The following CDH10 variants were observed in gnomAD, a reference collection of about 807,000 sequenced individuals.
CDH10 encodes the protein cadherin-10.
A neutral mutation model predicts 73.1 loss-of-function variants in CDH10; 30 were observed. The ratio of observed to expected loss-of-function variants is 0.41; its 90% confidence interval spans 0.31 to 0.56. The LOEUF is 0.56. CDH10 is among the 20% of genes least tolerant of loss of function. The probability of loss-of-function intolerance (pLI) is 0.27; values close to 1 mark genes in which losing one functional copy is unlikely to be tolerated. For missense variants in CDH10, 815 were observed against 973.7 expected, an observed-to-expected ratio of 0.84 and a Z score of 2.17; for synonymous variants, 345 against 348.2, an observed-to-expected ratio of 0.99 and a Z score of 0.10.
intron 8 of CDH10, among the ~76,000 whole-genome samples, chr5:24,504,103 T>C (rs906866136): frequency 6.6e-6 from 1 of 152,112 alleles, no homozygotes; most frequent in Non-Finnish European, 1.5e-5. Flanking sequence ...TGGCAAAATA[T>C]GCCATTTTGG....
intron 2 of CDH10, among the ~76,000 whole-genome samples, chr5:24,589,730 G>T (rs1746137927): frequency 6.6e-6 from 1 of 151,984 alleles, no homozygotes; most frequent in Non-Finnish European, 1.5e-5. Context: ...GGAAGCTGAA[G>T]AATTTGAAAT....
At chr5:24,639,599 A>G (rs187085320) in intron 1 of CDH10, among the ~76,000 whole-genome samples, 1 of 151,810 alleles carries the variant, frequency 6.6e-6, no homozygotes. Flanking sequence ...CTGTTTCCCA[A>G]ATTTCCAACT....
chr5:24,598,713 T>C (rs1164102655), intron 1 of CDH10, among the ~76,000 whole-genome samples: 2 of 152,094 alleles, frequency 1.3e-5, no homozygotes, highest in Non-Finnish European at 2.9e-5. Flanking sequence ...AGGATTGTTA[T>C]CAATGCAGAA....
chr5:24,563,387 C>G (rs147157913), intron 2 of CDH10, among the ~76,000 whole-genome samples: 130 of 150,900 alleles, frequency 8.6e-4, no homozygotes, highest in African/African-American at 3.1e-3. Context: ...ATTTGGTTGA[C>G]TAAGTCCTCC....
intron 2 of CDH10, among the ~76,000 whole-genome samples, chr5:24,546,368 C>T (rs1744338941): frequency 6.6e-6 from 1 of 152,068 alleles, no homozygotes; most frequent in African/African-American, 2.4e-5. Flanking sequence ...AACGCTCTCA[C>T]AAGGAAAAGG....
At chr5:24,496,285 GTATTTTATTTACTTAAAATA>G (rs1742286044) in intron 9 of CDH10, among the ~76,000 whole-genome samples, 1 of 152,088 alleles carries the variant, frequency 6.6e-6, no homozygotes, top group African/African-American at 2.4e-5. Context: ...TCATTAAAAT[GTATTTTATTTACTTAAAATA>G]TATTTTATTG....
chr5:24,597,540 C>G (rs1303045935), intron 1 of CDH10, among the ~76,000 whole-genome samples: 1 of 151,872 alleles, frequency 6.6e-6, no homozygotes. Flanking sequence ...TTTTTTTAAC[C>G]AGAGGAGTTT....
chr5:24,499,676 G>A (rs1021759402), intron 8 of CDH10, among the ~76,000 whole-genome samples: 1 of 109,836 alleles, frequency 9.1e-6, no homozygotes, highest in Non-Finnish European at 1.9e-5. Context: ...GACAGAATGA[G>A]ATTCCATCTC....
At chr5:24,514,894 T>A (rs888715011) in intron 5 of CDH10, among the ~76,000 whole-genome samples, 1 of 152,010 alleles carries the variant, frequency 6.6e-6, no homozygotes, top group Non-Finnish European at 1.5e-5. Context: ...TATATACAAC[T>A]TGAATAAATC....
chr5:24,579,942 C>T (rs1047468133), intron 2 of CDH10, among the ~76,000 whole-genome samples: 4 of 152,084 alleles, frequency 2.6e-5, no homozygotes, highest in Non-Finnish European at 5.9e-5. Flanking sequence ...ATGTATCTTA[C>T]TCTATCTAAA....
intron 1 of CDH10, among the ~76,000 whole-genome samples, chr5:24,619,630 T>G (rs1380672885): frequency 2.6e-5 from 4 of 152,232 alleles, no homozygotes; most frequent in Non-Finnish European, 4.4e-5. Flanking sequence ...GAGGGCCAGA[T>G]GCAAAATGCT....
chr5:24,546,544 A>G (rs1417902125), intron 2 of CDH10, among the ~76,000 whole-genome samples: 1 of 152,120 alleles, frequency 6.6e-6, no homozygotes, highest in African/African-American at 2.4e-5. Context: ...ATCCAATTAT[A>G]CTTTTTACAT....
intron 2 of CDH10, among the ~76,000 whole-genome samples, chr5:24,541,306 T>C (rs1744146555): frequency 6.6e-6 from 1 of 152,024 alleles, no homozygotes; most frequent in South Asian, 2.1e-4. Context: ...TTATCTCTTA[T>C]TCTGCATAAT....
chr5:24,592,700 C>A (rs62349626), intron 2 of CDH10, among the ~76,000 whole-genome samples: 3,720 of 151,786 alleles, frequency 0.025, 66 homozygotes, highest in Middle Eastern at 0.068. Flanking sequence ...GCTTTTCTTC[C>A]TATTCGTTTT....
At chr5:24,504,310 A>G (rs1317045768) in intron 8 of CDH10, among the ~76,000 whole-genome samples, 1 of 151,936 alleles carries the variant, frequency 6.6e-6, no homozygotes, top group African/African-American at 2.4e-5. Context: ...AAAATTCCAT[A>G]CAAGTGATTC....
At chr5:24,562,536 C>T (rs532501298) in intron 2 of CDH10, among the ~76,000 whole-genome samples, 15 of 151,662 alleles carry the variant, frequency 9.9e-5, no homozygotes, top group South Asian at 8.3e-4. Flanking sequence ...ATATACCCTA[C>T]GGAAAAAAAA....
At chr5:24,597,427 C>T (rs1048567560) in intron 1 of CDH10, among the ~76,000 whole-genome samples, 1 of 152,076 alleles carries the variant, frequency 6.6e-6, no homozygotes, top group African/African-American at 2.4e-5. Context: ...GCTTCAGCCC[C>T]CAGATACGTA....
rs1438383625 is a variant in CDH10 at position 24,492,829 on chromosome 5, G to T, written c.1612C>A (p.Gln538Lys). ...LAAVNPNFTV[Q>K]DNEDNTARIL... ...TTCTAAAATTTACCTTCATTATCCT[G>T]TACTGTGAAGTTTGGATTGACAGCA... The change falls in exon 10 of 12, where the codon CAG becomes AAG. Residue 538 changes from glutamine to lysine, a missense_variant. Coordinates refer to ENST00000264463, the MANE Select transcript of CDH10 (RefSeq NM_006727.5). 6.9e-7 allele frequency: 1 copy of T among 1,451,674 alleles called. No individual in the cohort carries two copies. Among genetic ancestry groups the T allele is most frequent in the South Asian group, 1.1e-5 (1 of 87,744 alleles). The allele number at this position is 1,451,674 out of a possible 1,614,324, so 89.9% of individuals were successfully genotyped here.
chr5:24,518,521 C>T (rs951091280), intron 5 of CDH10, among the ~76,000 whole-genome samples: 1 of 151,936 alleles, frequency 6.6e-6, no homozygotes, highest in African/African-American at 2.4e-5. Flanking sequence ...ATATAATGGA[C>T]AGTTTTACCA....
Sources: gnomAD v4.1 joint callset for allele counts (sites outside exome capture counted in the v4.1 genomes callset) on GRCh38, gnomAD v4.1.1 for gene constraint, MANE v1.5 for transcripts, NCBI Gene and HGNC (gene_info 2026-07-23, HGNC 2026-07-21) for gene names.